Variants in HMGB1 observed in about 807,000 individuals in gnomAD.
The protein encoded by HMGB1 is high mobility group box 1.
For synonymous variants in HMGB1, 81 were observed against 84.0 expected, an observed-to-expected ratio of 0.96 and a Z score of 0.19; for missense variants, 79 against 253.5, an observed-to-expected ratio of 0.31 and a Z score of 4.67.
In HMGB1 at chr13:30,582,847, C is replaced by T. The variant is rs1870964063; in HGVS notation, c.-15+33824G>A. ...TATGCAATCCATCAGCACCCCACAT[C>T]CAACCCATCAGTACATCCTGTCAGC... On this transcript the variant is annotated intron_variant, in intron 1 of 4. Coordinates refer to the HMGB1 transcript ENST00000405805. Among the ~76,000 whole-genome samples, 3 of 152,180 alleles carry T rather than the reference C, an allele frequency of 2.0e-5. 1 individual carries two copies. In the South Asian group the frequency reaches 6.2e-4, roughly 32 times the overall value.
At chr13:30,517,242 G>A (rs554055577) in intron 1 of HMGB1, among the ~76,000 whole-genome samples, 33 of 152,272 alleles carry the variant, frequency 2.2e-4, no homozygotes, top group African/African-American at 5.1e-4. Flanking sequence ...CAAAATATGC[G>A]TTTCTAACAA....
At chr13:30,595,759 G>A (rs1380240972) in intron 1 of HMGB1, among the ~76,000 whole-genome samples, 1 of 152,140 alleles carries the variant, frequency 6.6e-6, no homozygotes, top group Non-Finnish European at 1.5e-5. Context: ...CTGGGTGCTG[G>A]GAGGAGACCT....
chr13:30,533,747 A>T (rs1350513948), intron 1 of HMGB1, among the ~76,000 whole-genome samples: 3 of 152,176 alleles, frequency 2.0e-5, no homozygotes, highest in Non-Finnish European at 4.4e-5. Flanking sequence ...CTAAAACAGA[A>T]GTGTCATAAA....
chr13:30,566,521 T>G (rs1870193657), intron 1 of HMGB1, among the ~76,000 whole-genome samples: 1 of 152,244 alleles, frequency 6.6e-6, no homozygotes, highest in Non-Finnish European at 1.5e-5. Flanking sequence ...TGAAATATTC[T>G]TTTGATTTTT....
chr13:30,542,642 T>C, intron 1 of HMGB1: 1 of 187,340 alleles, frequency 5.3e-6, no homozygotes, highest in South Asian at 8.5e-5. Context: ...ACAGCCTGGC[T>C]GGCTGGCTGA....
intron 1 of HMGB1, among the ~76,000 whole-genome samples, chr13:30,549,039 T>C (rs1271808378): frequency 6.6e-6 from 1 of 152,196 alleles, no homozygotes; most frequent in Non-Finnish European, 1.5e-5. Flanking sequence ...GGCTCACACC[T>C]GTAATCTCAA....
chr13:30,507,328 C>T lies in HMGB1; in HGVS notation c.-14-43634G>A, dbSNP rs112852880. On this transcript the variant is annotated intron_variant, in intron 1 of 4. Coordinates refer to the HMGB1 transcript ENST00000405805. ...CCCTGGGTGGGCATTTCACCTCACA[C>T]ACGTATTCAGAGGTGGCACCTGGAA... Among the ~76,000 whole-genome samples, 339 of 152,302 alleles carry T rather than the reference C, an allele frequency of 2.2e-3. 1 individual carries two copies. The highest frequency in any genetic ancestry group is 7.8e-3 in the African/African-American group (324 of 41,552).
At chr13:30,469,048 C>A (rs1005711347), upstream of HMGB1, among the ~76,000 whole-genome samples, 1 of 152,104 alleles carries the variant, frequency 6.6e-6, no homozygotes, top group Non-Finnish European at 1.5e-5. Flanking sequence ...CATGCACCAC[C>A]ATGCCTGGGT....
intron 1 of HMGB1, among the ~76,000 whole-genome samples, chr13:30,483,617 CT>C (rs61395953): frequency 4.4e-4 from 60 of 135,770 alleles, no homozygotes; most frequent in Admixed American, 5.5e-4. Flanking sequence ...GTGCAAATTT[CT>C]TTTTTTTTTT....
At chr13:30,554,820 AT>A in intron 1 of HMGB1, 1 of 757,688 alleles carries the variant, frequency 1.3e-6, no homozygotes, top group South Asian at 1.4e-5. Flanking sequence ...GACACCTAAT[AT>A]TCATGACTTG....
chr13:30,538,482 C>CTTTCTTTA (rs1868575180), intron 1 of HMGB1, among the ~76,000 whole-genome samples: 5 of 33,532 alleles, frequency 1.5e-4, no homozygotes, highest in Non-Finnish European at 2.2e-4. Flanking sequence ...TTCTTTCTTT[C>CTTTCTTTA]TTTCTTTCTT....
intron 1 of HMGB1, among the ~76,000 whole-genome samples, chr13:30,474,759 C>CTTTTT (rs549499620): frequency 0.013 from 1,220 of 92,760 alleles, 66 homozygotes; most frequent in Middle Eastern, 0.021. Context: ...TCTCTCTCTC[C>CTTTTT]TTTTTTTTTT....
intron 1 of HMGB1, among the ~76,000 whole-genome samples, chr13:30,475,141 T>C (rs1358626325): frequency 2.7e-5 from 3 of 109,180 alleles, no homozygotes; most frequent in Admixed American, 9.5e-5. Context: ...TCTCTCTCTT[T>C]TTTTTTTTTT....
At chr13:30,516,603 G>A (rs572122025) in intron 1 of HMGB1, among the ~76,000 whole-genome samples, 91 of 152,142 alleles carry the variant, frequency 6.0e-4, no homozygotes, top group African/African-American at 2.0e-3. Flanking sequence ...ATTTTTAGTC[G>A]ATGTTAAGGA....
At chr13:30,594,377 C>G (rs1337579886) in intron 1 of HMGB1, among the ~76,000 whole-genome samples, 1 of 152,130 alleles carries the variant, frequency 6.6e-6, no homozygotes, top group Non-Finnish European at 1.5e-5. Flanking sequence ...CTCCCTCCCG[C>G]TCTCCCTCCT....
At chr13:30,509,246 C>CTTTTTTTTTTTTTTTTTT (rs577983392) in intron 1 of HMGB1, among the ~76,000 whole-genome samples, 1 of 143,000 alleles carries the variant, frequency 7.0e-6, no homozygotes, top group Non-Finnish European at 1.5e-5. Flanking sequence ...CACCAATATT[C>CTTTTTTTTTTTTTTTTTT]TTTTTTTTTT....
At chr13:30,567,551 C>T (rs1488017694) in intron 1 of HMGB1, among the ~76,000 whole-genome samples, 1 of 152,016 alleles carries the variant, frequency 6.6e-6, no homozygotes, top group East Asian at 1.9e-4. Flanking sequence ...GGGGTTTCAC[C>T]ATGTTGGCCG....
intron 1 of HMGB1, among the ~76,000 whole-genome samples, chr13:30,510,332 T>C (rs997848341): frequency 3.3e-5 from 5 of 152,226 alleles, no homozygotes; most frequent in Non-Finnish European, 5.9e-5. Context: ...TGTTTCTACA[T>C]CATAAATCTC....
At chr13:30,506,378 G>A (rs569502340) in intron 1 of HMGB1, among the ~76,000 whole-genome samples, 19 of 152,326 alleles carry the variant, frequency 1.2e-4, no homozygotes, top group Admixed American at 9.8e-4. Context: ...GGTCAGCTGC[G>A]TTCCCAGACC....
Sources: allele counts gnomAD v4.1 joint callset (sites outside exome capture counted in the v4.1 genomes callset), GRCh38; gene constraint gnomAD v4.1.1; transcripts MANE v1.5; gene names NCBI Gene and HGNC (gene_info 2026-07-23, HGNC 2026-07-21).